Variants in FGD5 observed in about 807,000 individuals in gnomAD.
The protein encoded by FGD5 is FYVE, RhoGEF and PH domain containing 5, also known as FYVE, RhoGEF and PH domain-containing protein 5.
FGD5 carries 28 observed loss-of-function variants against 133.4 expected under a neutral mutation model. That is an observed-to-expected ratio of 0.21 (90% CI 0.16 to 0.29). The LOEUF is 0.29. Ranked by LOEUF, FGD5 falls within the 10% of genes least tolerant of loss-of-function variation. The pLI, the probability that FGD5 is intolerant of heterozygous loss-of-function variation, is 1.00. For synonymous variants in FGD5, 810 were observed against 776.5 expected, an observed-to-expected ratio of 1.04 and a Z score of -0.72; for missense variants, 1,858 against 1,895.2, an observed-to-expected ratio of 0.98 and a Z score of 0.36.
intron 18 of FGD5, among the ~76,000 whole-genome samples, chr3:14,930,281 AGTCC>A (rs2038881151): frequency 6.6e-6 from 1 of 152,228 alleles, no homozygotes; most frequent in Non-Finnish European, 1.5e-5. Context: ...AGGTTGTGTA[AGTCC>A]TCCAACCTAG....
In FGD5 at chr3:14,813,695, A is replaced by G. The variant is rs1297668108; in HGVS notation, c.13+2830A>G. Reference sequence around the variant, plus strand: ...CTGCAGATGGGGAAGCCGAGGCCCGAAAAGGGGAAGGGACTTGCCCAAGAT... The same window carrying G: ...CTGCAGATGGGGAAGCCGAGGCCCGGAAAGGGGAAGGGACTTGCCCAAGAT... On this transcript the variant is annotated intron_variant, in intron 1 of 1. Transcript: ENST00000640506. 2.0e-5 allele frequency among the ~76,000 whole-genome samples: 3 copies of G among 151,816 alleles called. No individual in the cohort carries two copies. The East Asian group carries it at 5.8e-4, about 30-fold the overall frequency.
chr3:14,922,113 G>T lies in FGD5; in HGVS notation c.3669+96G>T, dbSNP rs765570582. ...TTGCCACTCACACCCAGATGGACGT[G>T]TAGCTCCTGTCTTGGGGCACTGGCT... On this transcript the variant is annotated intron_variant, in intron 14 of 19. Coordinates refer to ENST00000285046, the MANE Select transcript of FGD5 (RefSeq NM_152536.4). The surrounding 1 kb of genome is among the most constrained non-coding windows in gnomAD (Gnocchi z 4.1). 6.9e-6 allele frequency: 9 copies of T among 1,300,946 alleles called. No individual in the cohort carries two copies. Among genetic ancestry groups the T allele is most frequent in the Non-Finnish European group, 9.7e-6 (9 of 927,692 alleles). The allele number at this position is 1,300,946 out of a possible 1,614,324, so 80.6% of individuals were successfully genotyped here. A position where few individuals can be genotyped will look rare whatever the true frequency, so the allele number is the denominator to read the frequency against.
In FGD5 at chr3:14,820,805, G is replaced by A. The variant is rs2036479599; in HGVS notation, c.1734G>A (p.Arg578=). The A allele has an allele frequency of 1.2e-6, 2 of 1,613,850 alleles. No homozygotes were observed. The highest frequency in any genetic ancestry group is 1.7e-6 in the Non-Finnish European group (2 of 1,179,852). The change falls in exon 1 of 20, where the codon AGG becomes AGA. Residue 578 remains arginine, a synonymous_variant. Transcript: ENST00000285046. ...GSGLDDHRIK[R]KEDNLSLSCV... ...GGTTGGATGACCACAGGATAAAGAGGAAAGAGGACAATCTCTCTCTGTCGT... is the reference window on the plus strand; with the variant it reads ...GGTTGGATGACCACAGGATAAAGAGAAAAGAGGACAATCTCTCTCTGTCGT...
At chr3:14,921,031 A>G (rs1189545610) in intron 13 of FGD5, among the ~76,000 whole-genome samples, 1 of 152,232 alleles carries the variant, frequency 6.6e-6, no homozygotes, top group Admixed American at 6.5e-5. Context: ...TAGTCCGGCC[A>G]TGACTTGAGG....
intron 4 of FGD5, among the ~76,000 whole-genome samples, chr3:14,881,056 G>T (rs796382148): frequency 2.4e-4 from 37 of 152,298 alleles, no homozygotes; most frequent in African/African-American, 8.9e-4. Flanking sequence ...GCTGAGAAAG[G>T]CAGGAAGAGG....
At chr3:14,818,723 C>T (rs1008399027), upstream of FGD5, among the ~76,000 whole-genome samples, 3 of 152,086 alleles carry the variant, frequency 2.0e-5, no homozygotes, top group African/African-American at 4.8e-5. Flanking sequence ...AGTTGGGCTG[C>T]GTGTAGAAGA....
intron 1 of FGD5, among the ~76,000 whole-genome samples, chr3:14,847,880 C>G (rs1403006525): frequency 1.3e-5 from 2 of 152,224 alleles, no homozygotes; most frequent in African/African-American, 4.8e-5. Context: ...AGATGCCTCC[C>G]CTCCTCTCTG....
Position 14,840,034 on chromosome 3 carries a change from C to T in FGD5, c.2525+18438C>T, listed in dbSNP as rs183718941. On this transcript the variant is annotated intron_variant, in intron 1 of 19. Coordinates refer to ENST00000285046, the MANE Select transcript of FGD5 (RefSeq NM_152536.4). ...GCAGGGAAAAATCAAATCTCACATT[C>T]TCACATCACTGAGTCCTGGTTCTCC... Among the ~76,000 whole-genome samples the T allele has an allele frequency of 1.8e-3, 270 of 152,340 alleles. 1 individual carries two copies. The highest frequency in any genetic ancestry group is 6.3e-3 in the African/African-American group (260 of 41,580).
intron 1 of FGD5, among the ~76,000 whole-genome samples, chr3:14,841,042 C>T (rs1023374813): frequency 6.6e-6 from 1 of 152,190 alleles, no homozygotes; most frequent in African/African-American, 2.4e-5. Context: ...CCTGTCCTTT[C>T]ATGATGTATT....
In FGD5 at chr3:14,922,835, C is replaced by T. The variant is rs940610366; in HGVS notation, c.3808-211C>T. 3.3e-5 allele frequency among the ~76,000 whole-genome samples: 5 copies of T among 152,106 alleles called. No individual in the cohort carries two copies. Among genetic ancestry groups the T allele is most frequent in the African/African-American group, 9.7e-5 (4 of 41,428 alleles). On this transcript the variant is annotated intron_variant, in intron 15 of 19. Coordinates refer to ENST00000285046, the MANE Select transcript of FGD5 (RefSeq NM_152536.4). This position sits in a 1 kb window ranked among gnomAD's most constrained non-coding sequence, Gnocchi z 4.1. ...AAAAGTATCATGTAGTGGTTAAGGG[C>T]GCGGGCTCATCAGAAAAGCAGATAG...
At chr3:14,836,868 G>A (rs1045490268) in intron 1 of FGD5, among the ~76,000 whole-genome samples, 3 of 152,220 alleles carry the variant, frequency 2.0e-5, no homozygotes, top group African/African-American at 4.8e-5. Context: ...TGAGGCACTC[G>A]CAGGGTTAAC....
chr3:14,815,349 C>T (rs1053998261), upstream of FGD5, among the ~76,000 whole-genome samples: 5 of 145,192 alleles, frequency 3.4e-5, no homozygotes, highest in South Asian at 2.1e-4. Flanking sequence ...TATCTAAAAT[C>T]GCAAAAAAAA....
intron 11 of FGD5, among the ~76,000 whole-genome samples, chr3:14,911,411 C>T (rs973661475): frequency 1.3e-5 from 2 of 152,254 alleles, no homozygotes; most frequent in African/African-American, 2.4e-5. Flanking sequence ...ATATCTTTAT[C>T]GGCCTTAGTG....
intron 9 of FGD5, among the ~76,000 whole-genome samples, chr3:14,906,194 T>C (rs971404297): frequency 1.3e-5 from 2 of 152,240 alleles, no homozygotes; most frequent in African/African-American, 4.8e-5. Context: ...AGAGGCAGGC[T>C]ACTGCCCTGT....
At position 14,926,121 on chromosome 3, in the gene FGD5, A is replaced by C; in HGVS notation, c.4120A>C (p.Lys1374Gln). The change falls in exon 18 of 20, where the codon AAG (lysine) becomes CAG (glutamine). Residue 1374 changes from lysine (K) to glutamine (Q), a missense_variant. Physicochemically the swap from Lys to Gln is moderately conservative, Grantham distance 53. Around this residue, in one of 3 missense-constraint regions of FGD5, gnomAD observed 1,824 missense variants for 1,848.9 expected, o/e 0.99. Coordinates refer to ENST00000285046, the MANE Select transcript of FGD5 (RefSeq NM_152536.4). ...CATCAGTGGCTATCTCAGCCGGTGT[A>C]AGAGGGGCAAGCGGCACTGGAAGAA... ...SAISGYLSRC[K>Q]RGKRHWKKLW... 1 of 1,613,882 alleles carries C rather than the reference A, an allele frequency of 6.2e-7. No homozygotes were observed. Among genetic ancestry groups the C allele is most frequent in the Non-Finnish European group, 8.5e-7 (1 of 1,179,838 alleles).
upstream of FGD5, among the ~76,000 whole-genome samples, chr3:14,814,725 G>C (rs2036343986): frequency 6.6e-6 from 1 of 152,130 alleles, no homozygotes; most frequent in African/African-American, 2.4e-5. Flanking sequence ...CCAGCTGCTT[G>C]ACATCTCCAC....
At chr3:14,816,231 A>AT (rs1221930279), upstream of FGD5, among the ~76,000 whole-genome samples, 1 of 152,184 alleles carries the variant, frequency 6.6e-6, no homozygotes, top group Non-Finnish European at 1.5e-5. Flanking sequence ...GTCCTGTCTC[A>AT]TGGCACCCAT....
At chr3:14,815,648 G>A (rs2036357945), upstream of FGD5, among the ~76,000 whole-genome samples, 1 of 152,328 alleles carries the variant, frequency 6.6e-6, no homozygotes, top group East Asian at 1.9e-4. Flanking sequence ...CTGAGCCCTG[G>A]ACGCAGCCTT....
chr3:14,831,552 T>TG (rs2036707794), intron 1 of FGD5, among the ~76,000 whole-genome samples: 1 of 152,022 alleles, frequency 6.6e-6, no homozygotes, highest in Non-Finnish European at 1.5e-5. Flanking sequence ...CCCATCTGAG[T>TG]GCTCTTCCCA....
Sources: gnomAD v4.1 joint callset for allele counts (sites outside exome capture counted in the v4.1 genomes callset) on GRCh38, gnomAD v4.1.1 for gene constraint, gnomAD v4.1.1 regional missense constraint, Gnocchi (gnomAD v3.1) non-coding constraint, MANE v1.5 for transcripts, NCBI Gene and HGNC (gene_info 2026-07-23, HGNC 2026-07-21) for gene names.